Variants in DMD observed in about 807,000 individuals in gnomAD.
DMD encodes the protein dystrophin.
A neutral mutation model predicts 330.1 loss-of-function variants in DMD; 63 were observed. The observed-to-expected ratio is 0.19, with a 90% CI of 0.16 to 0.24. The LOEUF (loss-of-function observed/expected upper bound fraction) is 0.24, where lower values mean the gene tolerates loss of function less well. DMD is among the 10% of genes least tolerant of loss of function. The pLI is 1.00. For synonymous variants in DMD, 1,223 were observed against 959.8 expected (o/e 1.27, Z -5.07); for missense variants, 3,344 against 2,684.1 (o/e 1.25, Z -5.43).
At chrX:32,825,809 T>C (rs1297550819) in intron 4 of DMD, among the ~76,000 whole-genome samples, 5 of 111,467 alleles carry the variant, frequency 4.5e-5, no homozygotes, top group Non-Finnish European at 9.4e-5. Flanking sequence ...ATGAGGTACC[T>C]AAAATAGCCA....
chrX:32,738,019 G>T (rs2068747317), intron 7 of DMD, among the ~76,000 whole-genome samples: 1 of 111,332 alleles, frequency 9.0e-6, no homozygotes. Context: ...CATATAAATT[G>T]GGTCTATAGA....
At chrX:31,289,214 G>C (rs2147968545) in intron 62 of DMD, among the ~76,000 whole-genome samples, 1 of 95,192 alleles carries the variant, frequency 1.1e-5, no homozygotes, top group African/African-American at 4.4e-5. Context: ...AGCAGGTGGA[G>C]GTTGCAGTCC....
At chrX:31,298,172 T>C (rs2054330430) in intron 62 of DMD, among the ~76,000 whole-genome samples, 1 of 111,521 alleles carries the variant, frequency 9.0e-6, no homozygotes, top group African/African-American at 3.3e-5. Flanking sequence ...TACCTGTCTA[T>C]ATCCAAGCTT....
intron 9 of DMD, among the ~76,000 whole-genome samples, chrX:32,667,141 C>T (rs2061354474): frequency 9.0e-6 from 1 of 111,486 alleles, no homozygotes; most frequent in South Asian, 3.7e-4. Context: ...GCCTAGAATA[C>T]ATTACACTAA....
chrX:32,893,244 G>C (rs1431034806), intron 2 of DMD, among the ~76,000 whole-genome samples: 2 of 112,032 alleles, frequency 1.8e-5, no homozygotes, highest in Admixed American at 9.5e-5. Flanking sequence ...CAGTTGTTCA[G>C]TTTCTTGACC....
chrX:33,011,606 T>A (rs757755847), intron 2 of DMD, among the ~76,000 whole-genome samples: 1 of 112,359 alleles, frequency 8.9e-6, no homozygotes, highest in African/African-American at 3.2e-5. Context: ...CAGATGATAA[T>A]CTCTTGGAGA....
chrX:32,845,411 G>T (rs895169376), intron 3 of DMD, among the ~76,000 whole-genome samples: 1 of 111,718 alleles, frequency 9.0e-6, no homozygotes, highest in Non-Finnish European at 1.9e-5. Flanking sequence ...ACCAACATCT[G>T]CATAGTTCAT....
chrX:32,887,748 A>AT, intron 2 of DMD, among the ~76,000 whole-genome samples: 1 of 80,336 alleles, frequency 1.2e-5, no homozygotes, highest in Non-Finnish European at 2.3e-5. Context: ...ACTGTCTCAA[A>AT]AAAAAAAAAA....
chrX:31,951,923 T>G (rs1238093468), intron 45 of DMD, among the ~76,000 whole-genome samples: 1 of 111,398 alleles, frequency 9.0e-6, no homozygotes, highest in African/African-American at 3.3e-5. Flanking sequence ...ATTCTCAACT[T>G]GGTAATATAT....
intron 7 of DMD, among the ~76,000 whole-genome samples, chrX:32,780,285 G>A (rs188192044): frequency 4.2e-3 from 466 of 112,237 alleles, no homozygotes; most frequent in Non-Finnish European, 7.3e-3. Flanking sequence ...ACTAGAAGCC[G>A]ACATTCTTAT....
At chrX:33,127,062 T>C (rs1255485703) in intron 1 of DMD, among the ~76,000 whole-genome samples, 1 of 111,433 alleles carries the variant, frequency 9.0e-6, no homozygotes, top group Non-Finnish European at 1.9e-5. Flanking sequence ...CAAATCAAGT[T>C]ATGGGAAAAT....
rs149606917 is a variant in DMD at position 32,798,158 on chromosome X, C to T, written c.649+11335G>A. 4.1e-3 allele frequency among the ~76,000 whole-genome samples: 461 copies of T among 111,642 alleles called. 6 individuals carry two copies. Among genetic ancestry groups the T allele is most frequent in the East Asian group, 0.037 (132 of 3,544 alleles). ...AAAGGGTAAATTCAAGCCAGGCTCC[C>T]GCACACACAAATATCATATTTAATG... On this transcript the variant is annotated intron_variant, in intron 7 of 78. Transcript: ENST00000357033.
chrX:31,336,335 T>C (rs1300273532), intron 61 of DMD, among the ~76,000 whole-genome samples: 1 of 111,858 alleles, frequency 8.9e-6, no homozygotes, highest in African/African-American at 3.2e-5. Context: ...AGGGGAGTGC[T>C]ACTGGCATGT....
intron 18 of DMD, 139 bp from the exon 19 acceptor site, chrX:32,501,981 C>A: frequency 4.1e-6 from 2 of 490,533 alleles, no homozygotes; most frequent in Non-Finnish European, 7.1e-6. Flanking sequence ...GACTTTTTCT[C>A]AACACTTTTG....
intron 44 of DMD, among the ~76,000 whole-genome samples, chrX:32,000,380 G>A (rs956891938): frequency 8.9e-6 from 1 of 112,055 alleles, no homozygotes; most frequent in Admixed American, 9.5e-5. Flanking sequence ...AATGCTGTTT[G>A]ATAATTTTGT....
intron 13 of DMD, among the ~76,000 whole-genome samples, chrX:32,579,701 G>T (rs1000281434): frequency 2.7e-5 from 3 of 112,874 alleles, no homozygotes; most frequent in Admixed American, 9.3e-5. Flanking sequence ...ATTTGACACT[G>T]TAACTCTGTA....
chrX:31,763,147 A>AT (rs1210840218), intron 51 of DMD, among the ~76,000 whole-genome samples: 3 of 113,019 alleles, frequency 2.7e-5, no homozygotes, highest in Non-Finnish European at 5.6e-5. Context: ...ATAACAATCT[A>AT]AAAAGTCAAA....
chrX:32,888,940 A>T (rs1212809355), intron 2 of DMD, among the ~76,000 whole-genome samples: 1 of 110,941 alleles, frequency 9.0e-6, no homozygotes, highest in African/African-American at 3.3e-5. Context: ...TTGGAAAAAA[A>T]TGTGAAATAT....
At chrX:32,203,374 A>G (rs2097049635) in intron 44 of DMD, among the ~76,000 whole-genome samples, 1 of 112,403 alleles carries the variant, frequency 8.9e-6, no homozygotes, top group Non-Finnish European at 1.9e-5. Context: ...CTGCACAAGT[A>G]GTATTGTTTT....
Sources: allele counts gnomAD v4.1 joint callset (sites outside exome capture counted in the v4.1 genomes callset), GRCh38; gene constraint gnomAD v4.1.1; transcripts MANE v1.5; gene names NCBI Gene and HGNC (gene_info 2026-07-23, HGNC 2026-07-21).